NXPE2: variants seen among roughly 807,000 people sequenced by gnomAD.
The protein encoded by NXPE2 is NXPE family member 2.
Under a neutral mutation model 34.4 loss-of-function variants are expected in NXPE2, and 34 were observed. The observed-to-expected ratio is 0.99, with a 90% confidence interval of 0.75 to 1.31. The LOEUF is 1.31. Among genes scored for constraint, NXPE2 ranks in the 40% most tolerant of loss-of-function variants. The probability of loss-of-function intolerance (pLI) is 0.00; values close to 1 mark genes in which losing one functional copy is unlikely to be tolerated. For synonymous variants in NXPE2, 235 were observed against 231.3 expected (o/e 1.02, Z -0.15); for missense variants, 649 against 672.5 (o/e 0.97, Z 0.39).
chr11:114,606,196 C>T, the NXPE2 span, among the ~76,000 whole-genome samples: 5 of 150,258 alleles, frequency 3.3e-5, no homozygotes, highest in East Asian at 7.9e-4. Flanking sequence ...CACAGTTACC[C>T]GGTGGATAAT....
the NXPE2 span, among the ~76,000 whole-genome samples, chr11:114,619,803 C>T: frequency 1.3e-5 from 2 of 151,944 alleles, no homozygotes; most frequent in African/African-American, 4.8e-5. Flanking sequence ...CGTGAGTAAC[C>T]ACTGTTACCC....
At chr11:114,635,878 C>T in the NXPE2 span, among the ~76,000 whole-genome samples, 7 of 152,016 alleles carry the variant, frequency 4.6e-5, no homozygotes, top group Middle Eastern at 3.4e-3. Flanking sequence ...AGTATTTTAT[C>T]GAGAATTTTT....
chr11:114,782,840 C>A, the NXPE2 span, among the ~76,000 whole-genome samples: 1 of 152,166 alleles, frequency 6.6e-6, no homozygotes, highest in Non-Finnish European at 1.5e-5. Flanking sequence ...CAGCCGCCAG[C>A]CATAGGAGAT....
At chr11:114,467,885 G>A in the NXPE2 span, among the ~76,000 whole-genome samples, 9 of 152,018 alleles carry the variant, frequency 5.9e-5, no homozygotes, top group Non-Finnish European at 1.3e-4. Context: ...GCAGTGAGCC[G>A]AGATTGTGTC....
chr11:114,663,815 G>A, the NXPE2 span, among the ~76,000 whole-genome samples: 3 of 151,994 alleles, frequency 2.0e-5, no homozygotes, highest in Admixed American at 1.3e-4. Flanking sequence ...ATATGGAGAT[G>A]GATCATCCAG....
the NXPE2 span, among the ~76,000 whole-genome samples, chr11:114,484,514 G>A: frequency 2.6e-5 from 4 of 152,134 alleles, no homozygotes; most frequent in South Asian, 2.1e-4. Flanking sequence ...TGTCTACTCC[G>A]TGGCTTTTTG....
the NXPE2 span, among the ~76,000 whole-genome samples, chr11:114,611,974 G>A: frequency 0.16 from 24,654 of 151,834 alleles, 2,099 homozygotes; most frequent in South Asian, 0.21. Context: ...TTGCCTCGTG[G>A]GTAACCACAG....
chr11:114,601,676 A>T, the NXPE2 span, among the ~76,000 whole-genome samples: 1 of 21,988 alleles, frequency 4.5e-5, no homozygotes, highest in Non-Finnish European at 7.1e-5. Context: ...ATATATTATA[A>T]TTATAGATTA....
At chr11:114,592,438 C>T in the NXPE2 span, among the ~76,000 whole-genome samples, 182 of 151,942 alleles carry the variant, frequency 1.2e-3, 2 homozygotes, top group East Asian at 0.03. Context: ...TACAAAAACC[C>T]TAGGAATAAA....
chr11:114,628,687 A>G, the NXPE2 span, among the ~76,000 whole-genome samples: 1 of 27,698 alleles, frequency 3.6e-5, no homozygotes, highest in African/African-American at 1.6e-4. Context: ...GAACTGAAGG[A>G]AATAGAGACA....
the NXPE2 span, among the ~76,000 whole-genome samples, chr11:114,623,522 G>A: frequency 2.7e-4 from 41 of 151,814 alleles, no homozygotes; most frequent in African/African-American, 7.7e-4. Context: ...GTATTCCCTC[G>A]TGGATAAACA....
At chr11:114,631,682 A>T in the NXPE2 span, among the ~76,000 whole-genome samples, 1 of 151,680 alleles carries the variant, frequency 6.6e-6, no homozygotes, top group Non-Finnish European at 1.5e-5. Flanking sequence ...TATATAAAAA[A>T]AGTATTGCCT....
the NXPE2 span, among the ~76,000 whole-genome samples, chr11:114,738,107 G>T: frequency 2.0e-5 from 3 of 152,028 alleles, no homozygotes; most frequent in Admixed American, 6.6e-5. Flanking sequence ...CAATGAGACT[G>T]GAGAACATGG....
chr11:114,705,091 G>A (rs1165663587), intron 4 of NXPE2, among the ~76,000 whole-genome samples: 2 of 152,150 alleles, frequency 1.3e-5, no homozygotes, highest in Admixed American at 1.3e-4. Context: ...GGTGAATATA[G>A]AAGTGGCCTC....
chr11:114,530,151 A>G, the NXPE2 span: 4 of 1,566,602 alleles, frequency 2.6e-6, no homozygotes, highest in African/African-American at 1.4e-5. Context: ...GACACTTCTC[A>G]GTATACATGA....
At chr11:114,718,439 T>C in the NXPE2 span, among the ~76,000 whole-genome samples, 2 of 152,220 alleles carry the variant, frequency 1.3e-5, no homozygotes, top group Admixed American at 1.3e-4. Flanking sequence ...TAGTTGAATC[T>C]ATTAATCCAA....
At chr11:114,749,731 A>G in the NXPE2 span, among the ~76,000 whole-genome samples, 1 of 152,142 alleles carries the variant, frequency 6.6e-6, no homozygotes, top group Non-Finnish European at 1.5e-5. Context: ...CTTCATGTGA[A>G]CACCCTCTTT....
chr11:114,483,037 A>G, the NXPE2 span, among the ~76,000 whole-genome samples: 1 of 152,194 alleles, frequency 6.6e-6, no homozygotes, highest in Admixed American at 6.5e-5. Flanking sequence ...AACCTTGCCA[A>G]ACTTACTTTA....
chr11:114,486,326 G>A, the NXPE2 span, among the ~76,000 whole-genome samples: 3 of 152,044 alleles, frequency 2.0e-5, no homozygotes, highest in African/African-American at 7.2e-5. Flanking sequence ...CATATCTTTT[G>A]CCCATTTTTA....
Sources: gnomAD v4.1 joint callset for allele counts (sites outside exome capture counted in the v4.1 genomes callset) on GRCh38, gnomAD v4.1.1 for gene constraint, MANE v1.5 for transcripts, NCBI Gene and HGNC (gene_info 2026-07-23, HGNC 2026-07-21) for gene names.